ITGA11: variants seen among roughly 807,000 people sequenced by gnomAD.
The protein encoded by ITGA11 is integrin subunit alpha 11.
ITGA11 carries 97 observed loss-of-function variants against 141.9 expected under a neutral mutation model. The ratio of observed to expected loss-of-function variants is 0.68; its 90% CI spans 0.58 to 0.81. ITGA11 has a LOEUF of 0.81. Among genes scored for constraint, ITGA11 ranks in the 30% least tolerant of loss-of-function variants. The pLI, the probability that ITGA11 is intolerant of heterozygous loss-of-function variation, is 0.00. For synonymous variants in ITGA11, 658 were observed against 624.6 expected (o/e 1.05, Z -0.80); for missense variants, 1,387 against 1,559.2 (o/e 0.89, Z 1.86).
rs1440619921 is a variant in ITGA11, at chr15:68,365,235, TTC to T, written c.266-439_266-438del. The T allele has an allele frequency of 4.1e-6, 4 of 985,288 alleles. No homozygotes were observed. In the African/African-American group the frequency reaches 7.0e-5, roughly 17 times the overall value. The allele number at this position is 985,288 out of a possible 1,614,324, so 61.0% of individuals were successfully genotyped here. On this transcript the variant is annotated intron_variant, in intron 3 of 29. Coordinates refer to ENST00000315757, the MANE Select transcript of ITGA11 (RefSeq NM_001004439.2). Reference sequence around the variant, plus strand: ...CTTAACCAGTCCTGTGCCCAACTCTTTCTGTGCCCACTTCTCTGCTCATCTGA... The same window carrying T: ...CTTAACCAGTCCTGTGCCCAACTCTTTGTGCCCACTTCTCTGCTCATCTGA...
chr15:68,350,670 G>A lies in ITGA11; in HGVS notation c.1007C>T (p.Ala336Val), dbSNP rs1243359663. The A allele has an allele frequency of 6.2e-7, 1 of 1,613,830 alleles. No homozygotes were observed. The highest frequency in any genetic ancestry group is 8.5e-7 in the Non-Finnish European group (1 of 1,179,868). Residue 336 changes from alanine (A) to valine (V), a missense_variant, in exon 9 of 30, where the codon GCT becomes GTT. By Grantham distance (64) the Ala-to-Val change is moderately conservative. Transcript: ENST00000315757. ...DKHFFNVTDE[A>V]ALKDIVDALG... is the part of the protein sequence containing the mutation. ...GGCATCGACAATGTCCTTCAAGGCA[G>A]CCTCATCAGTGACATTGAAGAAGTG...
chr15:68,304,438 G>A lies in ITGA11; in HGVS notation c.3382-553C>T, dbSNP rs1288490363. ...GCTTGGATAACATTTTTTAATCTTT[G>A]TATCAACATGGTTATAAACCATAAT... On this transcript the variant is annotated intron_variant, in intron 28 of 29. Transcript: ENST00000315757. This position sits in a 1 kb window ranked among gnomAD's most constrained non-coding sequence, Gnocchi z 6.1. Among the ~76,000 whole-genome samples, 1 of 152,182 alleles carries A rather than the reference G, an allele frequency of 6.6e-6. No individual in the cohort carries two copies. Among genetic ancestry groups the A allele is most frequent in the Non-Finnish European group, 1.5e-5 (1 of 68,032 alleles).
chr15:68,312,958 C>T, intron 23 of ITGA11, 95 bp from the exon 24 acceptor site: 1 of 864,546 alleles, frequency 1.2e-6, no homozygotes, highest in Non-Finnish European at 1.9e-6. Context: ...GCCGGCCTCC[C>T]CCGGGCCACG....
At chr15:68,320,512 G>A (rs910995343) in intron 19 of ITGA11, 120 bp from the exon 20 acceptor site, 1 of 708,890 alleles carries the variant, frequency 1.4e-6, no homozygotes, top group Non-Finnish European at 2.4e-6. Flanking sequence ...CTGCTCATGG[G>A]AATAGCCACT....
chr15:68,411,152 C>A (rs1285615620), intron 1 of ITGA11, among the ~76,000 whole-genome samples: 1 of 152,220 alleles, frequency 6.6e-6, no homozygotes, highest in Non-Finnish European at 1.5e-5. Context: ...CTGAGCAGAG[C>A]TGATTCCACA....
intron 7 of ITGA11, among the ~76,000 whole-genome samples, chr15:68,352,093 C>G (rs1466489393): frequency 2.9e-5 from 1 of 34,928 alleles, no homozygotes; most frequent in Non-Finnish European, 6.3e-5. Context: ...AACAAACAAA[C>G]AAACAACCAA....
intron 20 of ITGA11, among the ~76,000 whole-genome samples, chr15:68,319,577 A>G (rs1037618949): frequency 6.6e-6 from 1 of 152,242 alleles, no homozygotes; most frequent in Non-Finnish European, 1.5e-5. Flanking sequence ...TTGTTCTGAC[A>G]GCAGCTGGGA....
chr15:68,352,056 C>G (rs1894927914), intron 7 of ITGA11, among the ~76,000 whole-genome samples: 1 of 149,318 alleles, frequency 6.7e-6, no homozygotes, highest in African/African-American at 2.5e-5. Flanking sequence ...GCACTCCAGC[C>G]TGGGCGACAG....
intron 10 of ITGA11, among the ~76,000 whole-genome samples, chr15:68,342,367 G>C (rs1894597751): frequency 6.6e-6 from 1 of 152,208 alleles, no homozygotes; most frequent in Non-Finnish European, 1.5e-5. Flanking sequence ...CTTGCACGAG[G>C]GGACCTTCCC....
At chr15:68,347,461 T>C (rs974835925) in intron 10 of ITGA11, among the ~76,000 whole-genome samples, 6 of 152,232 alleles carry the variant, frequency 3.9e-5, no homozygotes, top group African/African-American at 1.4e-4. Context: ...AGGGCTGTTA[T>C]TAGGATAGGG....
chr15:68,378,096 G>A (rs1895772223), intron 2 of ITGA11, among the ~76,000 whole-genome samples: 1 of 152,258 alleles, frequency 6.6e-6, no homozygotes, highest in Non-Finnish European at 1.5e-5. Flanking sequence ...GTGTCTACAT[G>A]TGTAATGTCC....
At chr15:68,379,708 C>A (rs796606288) in intron 2 of ITGA11, among the ~76,000 whole-genome samples, 7 of 152,352 alleles carry the variant, frequency 4.6e-5, no homozygotes, top group African/African-American at 1.7e-4. Flanking sequence ...TCTCCCATCT[C>A]TTTGCAAGAT....
chr15:68,381,420 G>A (rs2140376863), intron 2 of ITGA11, among the ~76,000 whole-genome samples: 1 of 152,252 alleles, frequency 6.6e-6, no homozygotes, highest in South Asian at 2.1e-4. Flanking sequence ...TCCATTCAAA[G>A]CACTTTATAT....
Position 68,339,552 on chromosome 15 carries a change from C to A in ITGA11, c.1224G>T (p.Glu408Asp). ...TSAGKVIPLR[E>D]SYLKEFPEEL... is the part of the protein sequence containing the mutation. ...CCTCGGGGAACTCTTTCAGGTAGGA[C>A]TCGCGGAGAGGAATGACCTTCCCGG... The change falls in exon 11 of 30, where the codon GAG (glutamate) becomes GAT (aspartate). Residue 408 changes from glutamate to aspartate, a missense_variant. Coordinates refer to ENST00000315757, the MANE Select transcript of ITGA11 (RefSeq NM_001004439.2). 1 of 1,613,982 alleles carries A rather than the reference C, an allele frequency of 6.2e-7. No homozygotes were observed. Among genetic ancestry groups the A allele is most frequent in the Non-Finnish European group, 8.5e-7 (1 of 1,179,874 alleles).
At chr15:68,366,937 T>C (rs2140357294) in intron 3 of ITGA11, among the ~76,000 whole-genome samples, 1 of 152,264 alleles carries the variant, frequency 6.6e-6, no homozygotes, top group Non-Finnish European at 1.5e-5. Flanking sequence ...GGAAAGAACA[T>C]TCCTGGCATC....
chr15:68,311,263 C>A (rs1381772644), intron 25 of ITGA11, 27 bp downstream of exon 25: 3 of 1,498,918 alleles, frequency 2.0e-6, no homozygotes, highest in Non-Finnish European at 1.8e-6. Flanking sequence ...GTCCCCTCCC[C>A]TAGCCGGCTC....
chr15:68,320,422 C>A lies in ITGA11; in HGVS notation c.2409-30G>T, dbSNP rs368234305. The A allele has an allele frequency of 7.8e-6, 12 of 1,544,468 alleles. No homozygotes were observed. The African/African-American group carries it at 1.5e-4, about 19-fold the overall frequency. On this transcript the variant is annotated intron_variant, in intron 19 of 29. Coordinates refer to ENST00000315757, the MANE Select transcript of ITGA11 (RefSeq NM_001004439.2). ...GAACAAGAGACCACCAGAGACTGGG[C>A]AGATGGAATGAGGAAAGCAGGGGTA...
chr15:68,428,160 G>T (rs1366915902), intron 1 of ITGA11, among the ~76,000 whole-genome samples: 1 of 152,162 alleles, frequency 6.6e-6, no homozygotes, highest in Non-Finnish European at 1.5e-5. Flanking sequence ...AGAAGAAACA[G>T]GGGCTTTTAA....
In ITGA11 at chr15:68,301,492, A is replaced by T. The variant is rs1595845632; in HGVS notation, c.*1567T>A. 2 of 152,230 alleles carry T rather than the reference A, an allele frequency of 1.3e-5. No homozygotes were observed. The highest frequency in any genetic ancestry group is 3.8e-4 in the East Asian group (2 of 5,196). 9.4% of individuals were successfully genotyped at this position (152,230 alleles called of 1,614,324 possible). A position where few individuals can be genotyped will look rare whatever the true frequency, so the allele number is the denominator to read the frequency against. On this transcript the variant is annotated 3_prime_UTR_variant, in exon 30 of 30. Coordinates refer to ENST00000315757, the MANE Select transcript of ITGA11 (RefSeq NM_001004439.2). This position sits in a 1 kb window ranked among gnomAD's most constrained non-coding sequence, Gnocchi z 4.4. Reference sequence around the variant, plus strand: ...ATAGATGGAAGGGTGATCTTGGGAGAGGGAGCGCTCCACCACTGGAGACGT... The same window carrying T: ...ATAGATGGAAGGGTGATCTTGGGAGTGGGAGCGCTCCACCACTGGAGACGT...
Sources: allele counts gnomAD v4.1 joint callset (sites outside exome capture counted in the v4.1 genomes callset), GRCh38; gene constraint gnomAD v4.1.1; non-coding constraint Gnocchi (gnomAD v3.1); transcripts MANE v1.5; gene names NCBI Gene and HGNC (gene_info 2026-07-23, HGNC 2026-07-21).